HLCS: variants seen among roughly 807,000 people sequenced by gnomAD.
HLCS encodes biotin--protein ligase.
A neutral mutation model predicts 75.0 loss-of-function variants in HLCS; 53 were observed. The observed-to-expected ratio is 0.71, with a 90% CI of 0.57 to 0.89. The LOEUF (loss-of-function observed/expected upper bound fraction) is 0.89. Ranked by LOEUF, HLCS falls within the 40% of genes least tolerant of loss-of-function variation. The pLI is 0.00. For missense variants in HLCS, 966 were observed against 1,074.0 expected, an observed-to-expected ratio of 0.90 and a Z score of 1.41; for synonymous variants, 431 against 428.6, an observed-to-expected ratio of 1.01 and a Z score of -0.07.
At chr21:36,767,804 T>C (rs2090093301) in intron 6 of HLCS, among the ~76,000 whole-genome samples, 1 of 152,222 alleles carries the variant, frequency 6.6e-6, no homozygotes, top group Admixed American at 6.5e-5. Flanking sequence ...CCCTGAGAAC[T>C]AATTATGATT....
At chr21:36,769,192 G>C (rs955067314) in intron 6 of HLCS, among the ~76,000 whole-genome samples, 7 of 152,182 alleles carry the variant, frequency 4.6e-5, no homozygotes, top group Admixed American at 2.6e-4. Flanking sequence ...GCAGTTAACA[G>C]GGCATATTAA....
At chr21:36,867,198 C>T (rs1338848068) in intron 6 of HLCS, among the ~76,000 whole-genome samples, 1 of 152,096 alleles carries the variant, frequency 6.6e-6, no homozygotes, top group African/African-American at 2.4e-5. Flanking sequence ...CCTCGATGGG[C>T]GTTGCAACAT....
At chr21:36,889,499 T>C (rs1299649935) in intron 6 of HLCS, among the ~76,000 whole-genome samples, 2 of 152,106 alleles carry the variant, frequency 1.3e-5, no homozygotes, top group Non-Finnish European at 2.9e-5. Context: ...CTCCAGAGGG[T>C]TGACTATCAT....
intron 6 of HLCS, among the ~76,000 whole-genome samples, chr21:36,858,686 G>A (rs966223746): frequency 5.9e-5 from 9 of 152,206 alleles, no homozygotes; most frequent in African/African-American, 2.2e-4. Flanking sequence ...CCTGCAGTGA[G>A]GTGGTGGCTG....
rs376617384 is a variant in HLCS, at chr21:36,832,550, T to A, written c.1892+64310A>T. ...CACAGTTCTGTTCACTTTACAGCCA[T>A]TGCTCATTTAATACTCACAACAATG... On this transcript the variant is annotated intron_variant, in intron 6 of 10. Transcript: ENST00000674895. 1.2e-3 allele frequency among the ~76,000 whole-genome samples: 187 copies of A among 152,332 alleles called. 2 individuals carry two copies. The highest frequency in any genetic ancestry group is 4.3e-3 in the African/African-American group (180 of 41,572).
intron 6 of HLCS, among the ~76,000 whole-genome samples, chr21:36,882,724 G>A (rs1324868389): frequency 2.0e-5 from 3 of 150,276 alleles, no homozygotes; most frequent in Non-Finnish European, 4.4e-5. Flanking sequence ...GCCTCCCAAA[G>A]TGTTGGGATT....
chr21:36,888,925 C>T (rs1183128529), intron 6 of HLCS, among the ~76,000 whole-genome samples: 1 of 152,144 alleles, frequency 6.6e-6, no homozygotes, highest in Non-Finnish European at 1.5e-5. Flanking sequence ...CCACACATCG[C>T]TCCTATATCA....
chr21:36,869,237 G>T (rs1408641510), intron 6 of HLCS, among the ~76,000 whole-genome samples: 2 of 151,976 alleles, frequency 1.3e-5, no homozygotes, highest in African/African-American at 4.8e-5. Flanking sequence ...CCATTCTCCC[G>T]CCTCAGCCTC....
intron 2 of HLCS, among the ~76,000 whole-genome samples, chr21:36,952,895 A>G (rs1256988626): frequency 6.6e-6 from 1 of 152,074 alleles, no homozygotes; most frequent in African/African-American, 2.4e-5. Flanking sequence ...TAGCTGTGAC[A>G]GAGATGCTAA....
At chr21:36,766,744 G>T (rs7281692) in intron 7 of HLCS, among the ~76,000 whole-genome samples, 4,894 of 152,200 alleles carry the variant, frequency 0.032, 281 homozygotes, top group African/African-American at 0.11. Context: ...CTGCTTCTCT[G>T]TGGTCACTGT....
intron 1 of HLCS, among the ~76,000 whole-genome samples, chr21:36,989,361 T>C (rs1412652086): frequency 6.9e-6 from 1 of 145,362 alleles, no homozygotes; most frequent in East Asian, 2.1e-4. Context: ...TTCGCTCTTG[T>C]CGTCCAGGCT....
chr21:36,977,621 A>G (rs1280513528), intron 1 of HLCS, among the ~76,000 whole-genome samples: 3 of 152,204 alleles, frequency 2.0e-5, no homozygotes, highest in Non-Finnish European at 2.9e-5. Flanking sequence ...CCCAATATTG[A>G]GCCTGTGTGA....
chr21:36,985,947 G>T (rs886937749), intron 1 of HLCS, among the ~76,000 whole-genome samples: 2 of 152,124 alleles, frequency 1.3e-5, no homozygotes, highest in Non-Finnish European at 2.9e-5. Flanking sequence ...CACTATAAAG[G>T]TTCCTTGTAT....
chr21:36,902,238 G>A lies in HLCS; in HGVS notation c.1621-5107C>T, dbSNP rs190111284. ...AGAGGAATGGGGCAGTGGCTAGAGGGAGGAATGGGGTGAAAGCAGGTTTTG... is the reference window on the plus strand; with the variant it reads ...AGAGGAATGGGGCAGTGGCTAGAGGAAGGAATGGGGTGAAAGCAGGTTTTG... On this transcript the variant is annotated intron_variant, in intron 5 of 10. Transcript: ENST00000674895. Among the ~76,000 whole-genome samples the A allele has an allele frequency of 4.2e-3, 639 of 152,334 alleles. 5 individuals are homozygous for A. The highest frequency in any genetic ancestry group is 0.014 in the African/African-American group (587 of 41,586).
chr21:36,876,464 C>T (rs957827523), intron 6 of HLCS, among the ~76,000 whole-genome samples: 3 of 152,180 alleles, frequency 2.0e-5, no homozygotes, highest in Admixed American at 2.0e-4. Flanking sequence ...AGGTCTTATG[C>T]AGTTTCAAAA....
chr21:36,768,011 A>T (rs536108673), intron 6 of HLCS, among the ~76,000 whole-genome samples: 11 of 152,334 alleles, frequency 7.2e-5, no homozygotes, highest in African/African-American at 2.6e-4. Context: ...AGAAAAAAAA[A>T]TCACACAAAA....
At chr21:36,848,077 G>T (rs984160833) in intron 6 of HLCS, among the ~76,000 whole-genome samples, 5 of 151,976 alleles carry the variant, frequency 3.3e-5, no homozygotes, top group Non-Finnish European at 5.9e-5. Context: ...ATGGCAAAGC[G>T]ACGAACATCC....
chr21:36,777,565 G>A (rs796122702), intron 6 of HLCS, among the ~76,000 whole-genome samples: 21 of 152,278 alleles, frequency 1.4e-4, no homozygotes, highest in African/African-American at 3.9e-4. Flanking sequence ...GAGCTGTCAC[G>A]GCTTCTTCGT....
intron 2 of HLCS, among the ~76,000 whole-genome samples, chr21:36,944,862 C>T (rs2067309539): frequency 1.3e-5 from 2 of 152,106 alleles, no homozygotes; most frequent in African/African-American, 2.4e-5. Context: ...GTGGCTCACG[C>T]CTGTAATCCT....
Sources: gnomAD v4.1 joint callset for allele counts (sites outside exome capture counted in the v4.1 genomes callset) on GRCh38, gnomAD v4.1.1 for gene constraint, MANE v1.5 for transcripts, NCBI Gene and HGNC (gene_info 2026-07-23, HGNC 2026-07-21) for gene names.